KLHL14: variants seen among roughly 807,000 people sequenced by gnomAD.
KLHL14 encodes kelch-like protein 14.
In KLHL14, 22 loss-of-function variants were observed where a neutral mutation model predicts 64.3. The ratio of observed to expected loss-of-function variants is 0.34; its 90% CI spans 0.24 to 0.49. KLHL14 has a LOEUF of 0.49. Ranked by LOEUF, KLHL14 falls within the 20% of genes least tolerant of loss-of-function variation. KLHL14 has a pLI of 0.99. For synonymous variants in KLHL14, 322 were observed against 333.4 expected, an observed-to-expected ratio of 0.97 and a Z score of 0.37; for missense variants, 661 against 789.0, an observed-to-expected ratio of 0.84 and a Z score of 1.94.
At chr18:32,730,503 G>A (rs1424981340) in intron 3 of KLHL14, among the ~76,000 whole-genome samples, 2 of 152,142 alleles carry the variant, frequency 1.3e-5, no homozygotes, top group East Asian at 3.8e-4. Context: ...TTAATGCTCA[G>A]AGGCATTATA....
intron 3 of KLHL14, among the ~76,000 whole-genome samples, chr18:32,728,284 T>G (rs1219822514): frequency 6.6e-6 from 1 of 152,208 alleles, no homozygotes; most frequent in Non-Finnish European, 1.5e-5. Context: ...GCTCTGAAGC[T>G]TTATTCGGGT....
chr18:32,723,507 C>A (rs1476332053), intron 3 of KLHL14, among the ~76,000 whole-genome samples: 1 of 152,168 alleles, frequency 6.6e-6, no homozygotes, highest in African/African-American at 2.4e-5. Context: ...TGCAAGCTGC[C>A]TTTCTCATCT....
chr18:32,701,174 A>G (rs867799404), intron 3 of KLHL14, among the ~76,000 whole-genome samples: 8 of 152,194 alleles, frequency 5.3e-5, no homozygotes, highest in African/African-American at 1.7e-4. Context: ...AATTCATTCA[A>G]CAAACATTCA....
chr18:32,678,195 G>C, intron 7 of KLHL14, among the ~76,000 whole-genome samples: 1 of 152,038 alleles, frequency 6.6e-6, no homozygotes, highest in East Asian at 1.9e-4. Flanking sequence ...TTAATTTAGA[G>C]GGTGAGAAAC....
chr18:32,733,536 A>T (rs1462526808), intron 3 of KLHL14, among the ~76,000 whole-genome samples: 1 of 152,180 alleles, frequency 6.6e-6, no homozygotes, highest in Non-Finnish European at 1.5e-5. Flanking sequence ...TTGAGAGTTA[A>T]TTGCTGAAAG....
intron 3 of KLHL14, among the ~76,000 whole-genome samples, chr18:32,712,199 G>A (rs556890997): frequency 3.4e-4 from 51 of 152,142 alleles, no homozygotes; most frequent in Non-Finnish European, 6.6e-4. Context: ...TTACTATCTT[G>A]CCCTTACAGA....
intron 7 of KLHL14, 128 bp from the exon 8 acceptor site, chr18:32,677,458 A>G (rs1332626823): frequency 4.8e-6 from 4 of 826,154 alleles, no homozygotes; most frequent in Non-Finnish European, 3.7e-6. Flanking sequence ...ACACAAATGC[A>G]TAAATTCACT....
chr18:32,717,912 TCTTTTGAC>T (rs1275508097), intron 3 of KLHL14, among the ~76,000 whole-genome samples: 2 of 152,216 alleles, frequency 1.3e-5, no homozygotes, highest in African/African-American at 2.4e-5. Flanking sequence ...CTTGGTTTCA[TCTTTTGAC>T]CAAAGACATC....
At chr18:32,682,429 G>A (rs1240236120) in intron 5 of KLHL14, among the ~76,000 whole-genome samples, 1 of 152,174 alleles carries the variant, frequency 6.6e-6, no homozygotes, top group Non-Finnish European at 1.5e-5. Context: ...ATTTCATAAA[G>A]TAAAGACTTA....
chr18:32,766,145 A>T (rs1377160682), intron 2 of KLHL14, among the ~76,000 whole-genome samples: 2 of 152,056 alleles, frequency 1.3e-5, no homozygotes. Context: ...TCAACTTTTA[A>T]TAAGCATTTA....
At chr18:32,722,133 C>A (rs553179242) in intron 3 of KLHL14, among the ~76,000 whole-genome samples, 5 of 152,178 alleles carry the variant, frequency 3.3e-5, no homozygotes, top group Non-Finnish European at 7.4e-5. Context: ...TCCTTGCCTT[C>A]TACCATGTTG....
At chr18:32,747,275 A>AT (rs2050228428) in intron 2 of KLHL14, among the ~76,000 whole-genome samples, 1 of 152,188 alleles carries the variant, frequency 6.6e-6, no homozygotes, top group Admixed American at 6.5e-5. Context: ...TTTCAGGATG[A>AT]TTCAAATGCA....
In KLHL14 at chr18:32,687,336, G is replaced by A. The variant is rs984724633; in HGVS notation, c.1160-103C>T. 4.3e-5 allele frequency: 39 copies of A among 906,992 alleles called. No homozygotes were observed. The African/African-American group carries it at 6.2e-4, about 14-fold the overall frequency. 56.2% of individuals were successfully genotyped at this position (906,992 alleles called of 1,614,324 possible). On this transcript the variant is annotated intron_variant, in intron 4 of 8. Transcript: ENST00000359358. ...TCTCTATTCTCAGGTTTAACAAATA[G>A]ATGAATTAAGTAGAGGGAATACCTA... is the stretch of plus-strand genomic sequence containing the variant.
intron 4 of KLHL14, among the ~76,000 whole-genome samples, chr18:32,695,076 C>G (rs1374314051): frequency 6.6e-6 from 1 of 152,110 alleles, no homozygotes; most frequent in African/African-American, 2.4e-5. Flanking sequence ...TGTATTGCAA[C>G]CCACGTTATT....
rs889803200 is a variant in KLHL14 at position 32,680,715 on chromosome 18, G to T, written c.1239-116C>A. ...AAAGGGGTGCATTCTGCTTCAGAAA[G>T]GGTTGCAAATCTTTAAAAATTACAC... On this transcript the variant is annotated intron_variant, in intron 5 of 8. Coordinates refer to ENST00000359358, the MANE Select transcript of KLHL14 (RefSeq NM_020805.3). The surrounding 1 kb of genome is among the most constrained non-coding windows in gnomAD (Gnocchi z 4.8). 3 of 1,004,628 alleles carry T rather than the reference G, an allele frequency of 3.0e-6. No homozygotes were observed. Among genetic ancestry groups the T allele is most frequent in the Non-Finnish European group, 4.3e-6 (3 of 697,788 alleles). 62.2% of individuals were successfully genotyped at this position (1,004,628 alleles called of 1,614,324 possible). A position where few individuals can be genotyped will look rare whatever the true frequency, so the allele number is the denominator to read the frequency against.
At chr18:32,677,433 A>C in intron 7 of KLHL14, 103 bp from the exon 8 acceptor site, 1 of 1,080,322 alleles carries the variant, frequency 9.3e-7, no homozygotes, top group Non-Finnish European at 1.3e-6. Context: ...AAAATAGATA[A>C]TTATGTTTTT....
intron 3 of KLHL14, chr18:32,737,746 A>G (rs2050173424): frequency 6.6e-6 from 1 of 152,154 alleles, no homozygotes; most frequent in Admixed American, 6.6e-5. Flanking sequence ...ACCACCCAAC[A>G]GTTTCCTTTA....
In KLHL14 at chr18:32,754,216, T is replaced by C. The variant is rs553148299; in HGVS notation, c.948-12167A>G. Among the ~76,000 whole-genome samples the C allele has an allele frequency of 2.0e-4, 30 of 152,326 alleles. 2 individuals are homozygous for C. The South Asian group carries it at 2.7e-3, about 14-fold the overall frequency. ...CACTCTCAGGCTAGTGATGGACTCG[T>C]AAGTAATGCCTGCATTTAAACTCCT... On this transcript the variant is annotated intron_variant, in intron 2 of 8. Coordinates refer to ENST00000359358, the MANE Select transcript of KLHL14 (RefSeq NM_020805.3).
At chr18:32,691,668 T>C (rs1024365293) in intron 4 of KLHL14, among the ~76,000 whole-genome samples, 2 of 152,048 alleles carry the variant, frequency 1.3e-5, no homozygotes, top group Non-Finnish European at 2.9e-5. Context: ...ATGAGTGTGG[T>C]AGAGTGAGGA....
Sources: gnomAD v4.1 joint callset for allele counts (sites outside exome capture counted in the v4.1 genomes callset) on GRCh38, gnomAD v4.1.1 for gene constraint, Gnocchi (gnomAD v3.1) non-coding constraint, MANE v1.5 for transcripts, NCBI Gene and HGNC (gene_info 2026-07-23, HGNC 2026-07-21) for gene names.